SALL4: variants seen among roughly 807,000 people sequenced by gnomAD.
The protein encoded by SALL4 is sal-like protein 4.
SALL4 carries 4 observed loss-of-function variants against 60.8 expected under a neutral mutation model. The observed-to-expected ratio is 0.07, with a 90% CI of 0.03 to 0.15. SALL4 has a LOEUF of 0.15. Among genes scored for constraint, SALL4 ranks in the 10% least tolerant of loss-of-function variants. SALL4 has a pLI of 1.00. For synonymous variants in SALL4, 580 were observed against 574.9 expected (o/e 1.01, Z -0.13); for missense variants, 1,178 against 1,394.7 (o/e 0.84, Z 2.48).
At chr20:51,794,985 C>T (rs946816623) in intron 1 of SALL4, among the ~76,000 whole-genome samples, 1 of 152,040 alleles carries the variant, frequency 6.6e-6, no homozygotes, top group Non-Finnish European at 1.5e-5. Context: ...GGGTGGGAGT[C>T]GACCACCCAT....
rs1361383670 is a variant in SALL4, at chr20:51,802,409, G to A, written c.-1C>T. 6.2e-7 allele frequency: 1 copy of A among 1,612,426 alleles called. No individual in the cohort carries two copies. The highest frequency in any genetic ancestry group is 1.3e-5 in the African/African-American group (1 of 74,924). On this transcript the variant is annotated 5_prime_UTR_variant, in exon 1 of 4. Transcript: ENST00000217086. Reference sequence around the variant, plus strand: ...GTTTCGCCTGCTTGCGCCTCGACATGGTGCGAGCATCGGGGCGCCGGGAGA... The same window carrying A: ...GTTTCGCCTGCTTGCGCCTCGACATAGTGCGAGCATCGGGGCGCCGGGAGA...
rs6021436 is a variant in SALL4 at position 51,788,652 on chromosome 20, G to C, written c.2742+209C>G. On this transcript the variant is annotated intron_variant, in intron 3 of 3. Coordinates refer to ENST00000217086, the MANE Select transcript of SALL4 (RefSeq NM_020436.5). The surrounding 1 kb of genome is among the most constrained non-coding windows in gnomAD (Gnocchi z 4.1). ...CTTGCAGTGAGCTTGAGCTTGAGAT[G>C]GCGCCACTGCACTCCAGTCTGGGCG... Among the ~76,000 whole-genome samples, 49,012 of 151,914 alleles carry C rather than the reference G, an allele frequency of 0.32. 8,324 individuals are homozygous for C. Among genetic ancestry groups the C allele is most frequent in the East Asian group, 0.58 (2,989 of 5,134 alleles).
chr20:51,792,747 G>C, intron 1 of SALL4: 1 of 1,077,810 alleles, frequency 9.3e-7, no homozygotes. Flanking sequence ...TTTGTAACTG[G>C]GGCTTACTTA....
Position 51,792,201 on chromosome 20 carries a change from G to A in SALL4, c.282C>T (p.Cys94=), listed in dbSNP as rs996637253. ...ISEFLEHKKN[C]TKNPPVLIMN... is the part of the protein sequence containing the mutation. ...TGATGAGGACAGGTGGATTTTTAGTGCAATTTTTCTTATGTTCCAGGAACT... is the reference window on the plus strand; with the variant it reads ...TGATGAGGACAGGTGGATTTTTAGTACAATTTTTCTTATGTTCCAGGAACT... The change falls in exon 2 of 4, where the codon TGC becomes TGT. Residue 94 remains cysteine, a synonymous_variant. Coordinates refer to ENST00000217086, the MANE Select transcript of SALL4 (RefSeq NM_020436.5). The A allele has an allele frequency of 4.3e-6, 7 of 1,614,096 alleles. No homozygotes were observed. Among genetic ancestry groups the A allele is most frequent in the Non-Finnish European group, 5.9e-6 (7 of 1,180,034 alleles).
chr20:51,793,595 AT>A (rs2078062682), intron 1 of SALL4, among the ~76,000 whole-genome samples: 2 of 152,026 alleles, frequency 1.3e-5, no homozygotes, highest in South Asian at 4.2e-4. Flanking sequence ...TAGCTGGCTA[AT>A]TTTTGTATTT....
intron 3 of SALL4, 139 bp from the exon 4 acceptor site, chr20:51,784,823 T>G: frequency 1.0e-6 from 1 of 968,202 alleles, no homozygotes; most frequent in Non-Finnish European, 1.6e-6. Flanking sequence ...AGCGGGGTTA[T>G]GCCCAGATAA....
Position 51,788,323 on chromosome 20 carries a change from TTGTGTGTGTGTGTGTG to T in SALL4, c.2742+522_2742+537del, listed in dbSNP as rs3030173. On this transcript the variant is annotated intron_variant, in intron 3 of 3. Transcript: ENST00000217086. The surrounding 1 kb of genome is among the most constrained non-coding windows in gnomAD (Gnocchi z 4.1). ...GCATGCAACACCATGCCCAACTAAT[TTGTGTGTGTGTGTGTG>T]TGTGTGTGTGTGTGTGTGTAAAGAC... Among the ~76,000 whole-genome samples the T allele has an allele frequency of 4.9e-5, 7 of 141,838 alleles. No individual in the cohort carries two copies. Among genetic ancestry groups the T allele is most frequent in the East Asian group, 2.2e-4 (1 of 4,600 alleles). The allele number at this position is 141,838 out of a possible 152,430, so 93.1% of individuals were successfully genotyped here.
chr20:51,795,301 G>A (rs1219676391), intron 1 of SALL4, among the ~76,000 whole-genome samples: 1 of 152,162 alleles, frequency 6.6e-6, no homozygotes, highest in East Asian at 1.9e-4. Context: ...CAGCTACTGG[G>A]GAGGCTGAGG....
In SALL4 at chr20:51,782,658, C is replaced by A. The variant is rs1023867767; in HGVS notation, c.*1607G>T. ...TCTTGGATGCATATTTCCGTCAGGA[C>A]CTTCCACATAGAGGGGAAAGACTTT... On this transcript the variant is annotated 3_prime_UTR_variant, in exon 4 of 4. Transcript: ENST00000217086. 6.6e-6 allele frequency: 1 copy of A among 151,614 alleles called. No homozygotes were observed. Among genetic ancestry groups the A allele is most frequent in the Non-Finnish European group, 1.5e-5 (1 of 67,992 alleles). The allele number at this position is 151,614 out of a possible 1,614,324, so 9.4% of individuals were successfully genotyped here. A position where few individuals can be genotyped will look rare whatever the true frequency, so the allele number is the denominator to read the frequency against.
At chr20:51,785,878 G>A (rs148858743) in intron 3 of SALL4, among the ~76,000 whole-genome samples, 2,740 of 151,890 alleles carry the variant, frequency 0.018, 31 homozygotes, top group Non-Finnish European at 0.03. Context: ...TCGTGACCTC[G>A]TGGTCCGCCT....
intron 1 of SALL4, among the ~76,000 whole-genome samples, chr20:51,798,466 G>C (rs6021442): frequency 1.3e-5 from 2 of 151,230 alleles, no homozygotes; most frequent in African/African-American, 2.4e-5. Flanking sequence ...GGGCGGGGGT[G>C]GGGGGGGATT....
chr20:51,793,276 C>T (rs894335595), intron 1 of SALL4, among the ~76,000 whole-genome samples: 3 of 151,612 alleles, frequency 2.0e-5, no homozygotes, highest in Non-Finnish European at 2.9e-5. Context: ...TTTGAGAGGC[C>T]GGGAGTTTGA....
chr20:51,786,332 G>C (rs2077992618), intron 3 of SALL4, among the ~76,000 whole-genome samples: 1 of 151,994 alleles, frequency 6.6e-6, no homozygotes, highest in African/African-American at 2.4e-5. Context: ...CTGACCTTGT[G>C]ATCCGCCCAC....
intron 1 of SALL4, among the ~76,000 whole-genome samples, chr20:51,800,525 C>T (rs1255417707): frequency 6.6e-6 from 1 of 152,224 alleles, no homozygotes; most frequent in Non-Finnish European, 1.5e-5. Flanking sequence ...GCTTCCCTCC[C>T]GAAAGGTGCC....
At chr20:51,792,959 C>G in intron 1 of SALL4, 1 of 992,620 alleles carries the variant, frequency 1.0e-6, no homozygotes, top group Non-Finnish European at 1.2e-6. Context: ...AGGCATATCT[C>G]AGACCCAGCA....
chr20:51,789,119 C>G lies in SALL4; in HGVS notation c.2484G>C (p.Thr828=). Residue 828 remains threonine, a synonymous_variant, in exon 3 of 4, where the codon ACG becomes ACC. Transcript: ENST00000217086. ...CATAGGTCGGCGGGGCTCGGATAAA[C>G]GTGGAAGGGAGACTGCTCCGACCTA... is the stretch of plus-strand genomic sequence containing the variant. ...EMEGRSSLPS[T]FIRAPPTYVK... 6.2e-7 allele frequency: 1 copy of G among 1,614,112 alleles called. No individual in the cohort carries two copies. The highest frequency in any genetic ancestry group is 8.5e-7 in the Non-Finnish European group (1 of 1,179,986).
chr20:51,790,354 G>T lies in SALL4; in HGVS notation c.2129C>A (p.Thr710Lys), dbSNP rs761020459. The T allele has an allele frequency of 6.2e-7, 1 of 1,614,156 alleles. No individual in the cohort carries two copies. Among genetic ancestry groups the T allele is most frequent in the Non-Finnish European group, 8.5e-7 (1 of 1,180,040 alleles). Residue 710 changes from threonine to lysine, a missense_variant, in exon 2 of 4, where the codon ACG (threonine) becomes AAG (lysine). Physicochemically the swap from Thr to Lys is moderately conservative, Grantham distance 78. Around this residue, in one of 5 missense-constraint regions of SALL4, gnomAD observed 853 missense variants for 1,036.8 expected, o/e 0.82. Coordinates refer to ENST00000217086, the MANE Select transcript of SALL4 (RefSeq NM_020436.5). The surrounding 1 kb of genome is among the most constrained non-coding windows in gnomAD (Gnocchi z 5.5). ...TGCCGAGTGGATGCTGGGAAGAGGC[G>T]TGGGGACCTTGGAGGAGCTGCTGGG... ...EAPSSSSKVP[T>K]PLPSIHSASP...
intron 1 of SALL4, among the ~76,000 whole-genome samples, chr20:51,796,249 C>G (rs1345089946): frequency 1.3e-5 from 2 of 150,580 alleles, no homozygotes; most frequent in African/African-American, 4.9e-5. Context: ...AAAAAAAACC[C>G]TCAATAAAGC....
At position 51,788,964 on chromosome 20, in the gene SALL4, G is replaced by A. The variant is rs1228208439; in HGVS notation, c.2639C>T (p.Ser880Leu). 4.3e-6 allele frequency: 7 copies of A among 1,614,204 alleles called. No homozygotes were observed. The highest frequency in any genetic ancestry group is 5.9e-6 in the Non-Finnish European group (7 of 1,180,044). The change falls in exon 3 of 4, where the codon TCG becomes TTG. Residue 880 changes from serine to leucine, a missense_variant. Physicochemically the swap from Ser to Leu is moderately radical, Grantham distance 145. This residue lies in a region of SALL4 where 37 missense variants were observed against 73.5 expected (regional missense o/e 0.50). Coordinates refer to ENST00000217086, the MANE Select transcript of SALL4 (RefSeq NM_020436.5). The surrounding 1 kb of genome is among the most constrained non-coding windows in gnomAD (Gnocchi z 4.1). ...HGCTRCGKNF[S>L]SASALQIHER... ...GTGGATCTGAAGAGCGCTAGCAGAC[G>A]AGAAGTTCTTCCCACACCGTGTGCA... is the stretch of plus-strand genomic sequence containing the variant.
Sources: gnomAD v4.1 joint callset for allele counts (sites outside exome capture counted in the v4.1 genomes callset) on GRCh38, gnomAD v4.1.1 for gene constraint, gnomAD v4.1.1 regional missense constraint, Gnocchi (gnomAD v3.1) non-coding constraint, MANE v1.5 for transcripts, NCBI Gene and HGNC (gene_info 2026-07-23, HGNC 2026-07-21) for gene names.